Variants in PLBD2 observed in about 807,000 individuals in gnomAD.
PLBD2 encodes putative aminopeptidase PLBD2.
A neutral mutation model predicts 68.3 loss-of-function variants in PLBD2; 51 were observed. That is an observed-to-expected ratio of 0.75 (90% CI 0.60 to 0.94). The LOEUF is 0.94. Among genes scored for constraint, PLBD2 ranks in the 40% least tolerant of loss-of-function variants. The pLI is 0.00. For synonymous variants in PLBD2, 314 were observed against 339.3 expected (o/e 0.93, Z 0.82); for missense variants, 729 against 792.2 (o/e 0.92, Z 0.96).
At chr12:113,387,283 G>A (rs1957561859) in intron 10 of PLBD2, among the ~76,000 whole-genome samples, 194 bp downstream of exon 10, 1 of 152,208 alleles carries the variant, frequency 6.6e-6, no homozygotes, top group African/African-American at 2.4e-5. Context: ...TGTCCTCATA[G>A]CTAAGGGGAG....
rs1234006622 is a variant in PLBD2, at chr12:113,389,997, C to T, written c.*1371C>T. The stretch of plus-strand genomic sequence containing the variant: ...CTTGGATTACAGATGTGAGCCCCCG[C>T]ACCTGGCCTCATTTGTCCATTTTCC... On this transcript the variant is annotated 3_prime_UTR_variant, in exon 12 of 12. Coordinates refer to ENST00000280800, the MANE Select transcript of PLBD2 (RefSeq NM_173542.4). 1.3e-5 allele frequency: 2 copies of T among 152,166 alleles called. No homozygotes were observed. Among genetic ancestry groups the T allele is most frequent in the Non-Finnish European group, 2.9e-5 (2 of 68,076 alleles). 9.4% of individuals were successfully genotyped at this position (152,166 alleles called of 1,614,324 possible).
In PLBD2 at chr12:113,380,765, G is replaced by A. The variant is rs563907346; in HGVS notation, c.880G>A (p.Gly294Ser). The change falls in exon 6 of 12, where the codon GGC (glycine) becomes AGC (serine). Residue 294 changes from glycine to serine, a missense_variant. Coordinates refer to ENST00000280800, the MANE Select transcript of PLBD2 (RefSeq NM_173542.4). ...GPWGDYPLVP[G>S]NKLVFSSYPG... ...CACAGGGGACTACCCGCTGGTTCCC[G>A]GCAACAAGCTGGTCTTCTCCTCCTA... 5.8e-6 allele frequency: 9 copies of A among 1,552,128 alleles called. No individual in the cohort carries two copies. The highest frequency in any genetic ancestry group is 2.0e-5 in the Admixed American group (1 of 51,186).
chr12:113,387,620 A>T (rs548036474), intron 10 of PLBD2, 124 bp from the exon 11 acceptor site: 1 of 1,051,320 alleles, frequency 9.5e-7, no homozygotes, highest in Admixed American at 1.9e-5. Context: ...GGTAGTGTGC[A>T]GTGGGAGGGG....
chr12:113,365,934 G>A (rs1459348589), intron 1 of PLBD2, among the ~76,000 whole-genome samples: 6 of 152,072 alleles, frequency 3.9e-5, no homozygotes, highest in East Asian at 1.9e-4. Flanking sequence ...CACTTTATTC[G>A]TTTTTCCATC....
In PLBD2 at chr12:113,389,020, T is replaced by G. The variant is rs751893322; in HGVS notation, c.*394T>G. ...GTGGAAGGAGCCTGTTCCAGCACCCTTCTCCCAGCTGCATTCCCACGGGTG... is the reference window on the plus strand; with the variant it reads ...GTGGAAGGAGCCTGTTCCAGCACCCGTCTCCCAGCTGCATTCCCACGGGTG... On this transcript the variant is annotated 3_prime_UTR_variant, in exon 12 of 12. Transcript: ENST00000280800. The G allele has an allele frequency of 6.3e-6, 1 of 159,578 alleles. No individual in the cohort carries two copies. The highest frequency in any genetic ancestry group is 1.4e-5 in the Non-Finnish European group (1 of 73,152). The allele number at this position is 159,578 out of a possible 1,614,324, so 9.9% of individuals were successfully genotyped here.
chr12:113,382,756 G>GA (rs1339881362), intron 6 of PLBD2, among the ~76,000 whole-genome samples: 3 of 146,756 alleles, frequency 2.0e-5, no homozygotes, highest in East Asian at 2.2e-4. Context: ...AGAGAAAAAA[G>GA]AAAAAATCAC....
At chr12:113,382,295 G>A (rs1957498248) in intron 6 of PLBD2, among the ~76,000 whole-genome samples, 1 of 152,200 alleles carries the variant, frequency 6.6e-6, no homozygotes, top group South Asian at 2.1e-4. Flanking sequence ...TAAGTTAGAA[G>A]AAGCAAGGTG....
rs1404146766 is a variant in PLBD2, at chr12:113,372,583, G to A, written c.385-66G>A. The A allele has an allele frequency of 5.2e-6, 8 of 1,545,742 alleles. No individual in the cohort carries two copies. In the Admixed American group the frequency reaches 1.4e-4, roughly 27 times the overall value. On this transcript the variant is annotated intron_variant, in intron 2 of 11. Transcript: ENST00000280800. The surrounding 1 kb of genome is among the most constrained non-coding windows in gnomAD (Gnocchi z 4.2). Reference sequence around the variant, plus strand: ...CCTCCGCTCTGGGGCAGCCTGGGTGGGGGGCTCTCAGGGAAGAGAGCACCC... The same window carrying A: ...CCTCCGCTCTGGGGCAGCCTGGGTGAGGGGCTCTCAGGGAAGAGAGCACCC...
At chr12:113,373,104 T>A (rs1957404214) in intron 3 of PLBD2, among the ~76,000 whole-genome samples, 1 of 152,202 alleles carries the variant, frequency 6.6e-6, no homozygotes, top group South Asian at 2.1e-4. Flanking sequence ...TTTGCTTGCA[T>A]ACAAGGGAGG....
chr12:113,382,835 T>TTTTTTTGTGTG (rs1335785271), intron 6 of PLBD2, among the ~76,000 whole-genome samples: 11 of 106,522 alleles, frequency 1.0e-4, no homozygotes, highest in African/African-American at 4.2e-4. Context: ...TGGTGGTTTT[T>TTTTTTTGTGTG]TGTGTGTGTG....
chr12:113,374,620 C>A (rs1186478165), intron 4 of PLBD2, 46 bp downstream of exon 4: 6 of 1,510,224 alleles, frequency 4.0e-6, no homozygotes, highest in Non-Finnish European at 4.5e-6. Flanking sequence ...AAGGGCCACA[C>A]ACTCATAGTC....
intron 1 of PLBD2, among the ~76,000 whole-genome samples, chr12:113,367,496 T>A (rs1957350710): frequency 6.6e-6 from 1 of 152,118 alleles, no homozygotes; most frequent in African/African-American, 2.4e-5. Flanking sequence ...ATGCCTGTAA[T>A]CCCATCACTT....
intron 4 of PLBD2, 57 bp downstream of exon 4, chr12:113,374,631 G>T (rs963239353): frequency 6.7e-7 from 1 of 1,488,892 alleles, no homozygotes; most frequent in Admixed American, 1.9e-5. Flanking sequence ...ACTCATAGTC[G>T]GACAGACCTG....
At chr12:113,386,510 C>T (rs1037854080) in intron 9 of PLBD2, among the ~76,000 whole-genome samples, 2 of 148,034 alleles carry the variant, frequency 1.4e-5, no homozygotes, top group Non-Finnish European at 3.0e-5. Flanking sequence ...CGTGCCACCA[C>T]GCCGGCTAAT....
chr12:113,360,719 G>A (rs998836195), intron 1 of PLBD2, among the ~76,000 whole-genome samples: 2 of 152,210 alleles, frequency 1.3e-5, no homozygotes, highest in Middle Eastern at 3.2e-3. Flanking sequence ...GCAGGGGCAC[G>A]ATATTGGCTC....
At position 113,388,728 on chromosome 12, in the gene PLBD2, T is replaced by C; in HGVS notation, c.*102T>C. ...TCTAACTCCAGCCCCTCCTGGGGGC[T>C]TCGTTCTCTGATCTGGGGTCTGAGT... On this transcript the variant is annotated 3_prime_UTR_variant, in exon 12 of 12. Coordinates refer to ENST00000280800, the MANE Select transcript of PLBD2 (RefSeq NM_173542.4). The C allele has an allele frequency of 1.5e-6, 2 of 1,313,482 alleles. No homozygotes were observed. Among genetic ancestry groups the C allele is most frequent in the Non-Finnish European group, 1.0e-6 (1 of 981,030 alleles). The allele number at this position is 1,313,482 out of a possible 1,614,324, so 81.4% of individuals were successfully genotyped here.
intron 5 of PLBD2, among the ~76,000 whole-genome samples, chr12:113,379,752 C>T (rs907206285): frequency 2.6e-5 from 4 of 151,652 alleles, no homozygotes; most frequent in African/African-American, 9.7e-5. Flanking sequence ...GTGGAGGTTG[C>T]AGTGAGCTGA....
At chr12:113,362,987 G>T (rs903616889) in intron 1 of PLBD2, among the ~76,000 whole-genome samples, 2 of 151,266 alleles carry the variant, frequency 1.3e-5, no homozygotes, top group African/African-American at 4.9e-5. Context: ...ATAGAGATGG[G>T]GTTTCACCAT....
At chr12:113,364,810 T>A (rs1032478258) in intron 1 of PLBD2, among the ~76,000 whole-genome samples, 1 of 152,138 alleles carries the variant, frequency 6.6e-6, no homozygotes, top group Non-Finnish European at 1.5e-5. Flanking sequence ...ATAATGTGTG[T>A]TCTCTCCTGG....
Sources: gnomAD v4.1 joint callset for allele counts (sites outside exome capture counted in the v4.1 genomes callset) on GRCh38, gnomAD v4.1.1 for gene constraint, Gnocchi (gnomAD v3.1) non-coding constraint, MANE v1.5 for transcripts, NCBI Gene and HGNC (gene_info 2026-07-23, HGNC 2026-07-21) for gene names.